ESRRG: variants seen among roughly 807,000 people sequenced by gnomAD.
ESRRG encodes the protein estrogen-related receptor gamma.
A neutral mutation model predicts 44.0 loss-of-function variants in ESRRG; 13 were observed. The observed-to-expected ratio is 0.30, with a 90% confidence interval of 0.19 to 0.47. The LOEUF (loss-of-function observed/expected upper bound fraction) is 0.47, where lower values mean the gene tolerates loss of function less well. Among genes scored for constraint, ESRRG ranks in the 20% least tolerant of loss-of-function variants. ESRRG has a pLI of 1.00. For synonymous variants in ESRRG, 215 were observed against 214.6 expected (o/e 1.00, Z -0.02); for missense variants, 395 against 580.6 (o/e 0.68, Z 3.29).
chr1:216,715,311 C>A, intron 1 of ESRRG: 1 of 865,306 alleles, frequency 1.2e-6, no homozygotes, highest in Non-Finnish European at 1.4e-6. Context: ...TATACAGTCA[C>A]TTTCTCATAG....
chr1:217,114,636 T>C (rs936024686), intron 1 of ESRRG, among the ~76,000 whole-genome samples: 5 of 151,524 alleles, frequency 3.3e-5, no homozygotes, highest in African/African-American at 1.2e-4. Flanking sequence ...GGGGTACACC[T>C]GTCATTTGTG....
intron 1 of ESRRG, among the ~76,000 whole-genome samples, chr1:216,981,528 C>A (rs1401725980): frequency 6.6e-6 from 1 of 152,178 alleles, no homozygotes; most frequent in East Asian, 1.9e-4. Context: ...CAAAACAACT[C>A]TTCAATAAAT....
At position 217,060,821 on chromosome 1, in the gene ESRRG, TA is replaced by T. The variant is rs1427831027; in HGVS notation, c.-106+28685del. ...ATAGATAGATAGATAGATAGATAGATAGATAGATAGAAAAAAGGGAATAAAT... is the reference window on the plus strand; with the variant it reads ...ATAGATAGATAGATAGATAGATAGATGATAGATAGAAAAAAGGGAATAAAT... On this transcript the variant is annotated intron_variant, in intron 1 of 7. Coordinates refer to the ESRRG transcript ENST00000359162. 2.9e-5 allele frequency among the ~76,000 whole-genome samples: 4 copies of T among 138,060 alleles called. No individual in the cohort carries two copies. The South Asian group carries it at 7.8e-4, about 27-fold the overall frequency. 90.6% of individuals were successfully genotyped at this position (138,060 alleles called of 152,430 possible). A position where few individuals can be genotyped will look rare whatever the true frequency, so the allele number is the denominator to read the frequency against.
At chr1:216,840,047 T>A (rs2813679) in intron 2 of ESRRG, among the ~76,000 whole-genome samples, 112,823 of 152,024 alleles carry the variant, frequency 0.74, 42,180 homozygotes, top group African/African-American at 0.81. Flanking sequence ...TTGTTCTTTG[T>A]AGCTTTGATG....
chr1:216,628,900 G>C (rs1392622947), intron 3 of ESRRG, among the ~76,000 whole-genome samples: 1 of 152,132 alleles, frequency 6.6e-6, no homozygotes, highest in Non-Finnish European at 1.5e-5. Context: ...TTGGCCATTT[G>C]TAACAACTCT....
intron 1 of ESRRG, among the ~76,000 whole-genome samples, chr1:217,033,677 A>C (rs1021035979): frequency 5.3e-5 from 8 of 152,202 alleles, no homozygotes; most frequent in Admixed American, 2.6e-4. Flanking sequence ...AAAGCCATAG[A>C]AATCCAAATA....
At chr1:216,960,951 A>G (rs559151089) in intron 1 of ESRRG, among the ~76,000 whole-genome samples, 1 of 152,266 alleles carries the variant, frequency 6.6e-6, no homozygotes, top group African/African-American at 2.4e-5. Flanking sequence ...GCTCTACTGT[A>G]TTCCTTGTAG....
intron 2 of ESRRG, among the ~76,000 whole-genome samples, chr1:216,823,976 G>A (rs577839763): frequency 3.9e-5 from 6 of 152,210 alleles, no homozygotes; most frequent in African/African-American, 1.2e-4. Context: ...CAGTACTTGA[G>A]GGCAGGTTCC....
chr1:216,507,681 T>C (rs953913213), intron 6 of ESRRG, among the ~76,000 whole-genome samples: 12 of 152,240 alleles, frequency 7.9e-5, no homozygotes, highest in African/African-American at 1.9e-4. Context: ...TGTGACTACA[T>C]TGAATCTAGC....
intron 2 of ESRRG, among the ~76,000 whole-genome samples, chr1:216,816,497 T>A (rs771328274): frequency 7.9e-5 from 12 of 152,320 alleles, no homozygotes; most frequent in Non-Finnish European, 1.8e-4. Flanking sequence ...CATAATGCCT[T>A]TTGTGGCTAG....
At chr1:216,507,299 C>T in intron 6 of ESRRG, 116 bp from the exon 7 acceptor site, 2 of 665,534 alleles carry the variant, frequency 3.0e-6, no homozygotes, top group Non-Finnish European at 4.8e-6. Flanking sequence ...TGAGCTTGAA[C>T]CTATGATTTG....
upstream of ESRRG, among the ~76,000 whole-genome samples, chr1:217,092,316 T>G (rs2092361381): frequency 6.6e-6 from 1 of 152,222 alleles, no homozygotes; most frequent in Non-Finnish European, 1.5e-5. Context: ...AAATGCTTAC[T>G]AAGGTAGACG....
At chr1:216,513,727 T>C (rs1221405265) in intron 6 of ESRRG, among the ~76,000 whole-genome samples, 2 of 152,218 alleles carry the variant, frequency 1.3e-5, no homozygotes, top group East Asian at 1.9e-4. Context: ...ACCTGCTAGG[T>C]CTTTTCTATT....
chr1:216,777,492 G>T (rs1393322447), intron 2 of ESRRG, among the ~76,000 whole-genome samples: 1 of 152,016 alleles, frequency 6.6e-6, no homozygotes, highest in East Asian at 1.9e-4. Flanking sequence ...GTTTTTCTTT[G>T]TAATCTGTTA....
chr1:216,887,768 A>T (rs1459585024), intron 2 of ESRRG, among the ~76,000 whole-genome samples: 2 of 152,204 alleles, frequency 1.3e-5, no homozygotes, highest in African/African-American at 4.8e-5. Context: ...GTATTAAAAG[A>T]TATACCTAAA....
chr1:216,723,376 C>A lies in ESRRG; in HGVS notation c.-77G>T. ...TTGACAGAGCACAGTGCAATTAACA[C>A]AAATGTTCTCCTAGTGACAAGCCTA... is the stretch of plus-strand genomic sequence containing the variant. On this transcript the variant is annotated 5_prime_UTR_variant, in exon 1 of 7. Transcript: ENST00000408911. 7.3e-7 allele frequency: 1 copy of A among 1,374,616 alleles called. No individual in the cohort carries two copies. Among genetic ancestry groups the A allele is most frequent in the Non-Finnish European group, 1.0e-6 (1 of 963,782 alleles). 85.2% of individuals were successfully genotyped at this position (1,374,616 alleles called of 1,614,324 possible). A position where few individuals can be genotyped will look rare whatever the true frequency, so the allele number is the denominator to read the frequency against.
chr1:216,674,122 T>C lies in ESRRG; in HGVS notation c.472+2954A>G, dbSNP rs2075681653. 2.6e-5 allele frequency among the ~76,000 whole-genome samples: 4 copies of C among 152,198 alleles called. No homozygotes were observed. The South Asian group carries it at 8.3e-4, about 31-fold the overall frequency. ...AATAACAGTTTGAATTGTATATACT[T>C]TGTAACCATAAGGATTATAACACTG... On this transcript the variant is annotated intron_variant, in intron 2 of 6. Coordinates refer to ENST00000408911, the MANE Select transcript of ESRRG (RefSeq NM_001438.4).
At chr1:217,027,277 T>C (rs149149057) in intron 1 of ESRRG, among the ~76,000 whole-genome samples, 1 of 152,228 alleles carries the variant, frequency 6.6e-6, no homozygotes, top group African/African-American at 2.4e-5. Context: ...ACATTATAAA[T>C]AGAAATAGTC....
chr1:216,810,734 T>C (rs2094943645), intron 2 of ESRRG, among the ~76,000 whole-genome samples: 1 of 148,172 alleles, frequency 6.7e-6, no homozygotes. Context: ...GATATACACA[T>C]GTATATATAT....
Sources: gnomAD v4.1 joint callset for allele counts (sites outside exome capture counted in the v4.1 genomes callset) on GRCh38, gnomAD v4.1.1 for gene constraint, MANE v1.5 for transcripts, NCBI Gene and HGNC (gene_info 2026-07-23, HGNC 2026-07-21) for gene names.